Variants in BAALC observed in about 807,000 individuals in gnomAD.
The protein encoded by BAALC is brain and acute leukemia cytoplasmic protein.
BAALC carries 9 observed loss-of-function variants against 15.5 expected under a neutral mutation model. That is an observed-to-expected ratio of 0.58 (90% CI 0.35 to 1.02). The LOEUF is 1.02. Among genes scored for constraint, BAALC ranks in the 50% least tolerant of loss-of-function variants. The pLI, the probability that BAALC is intolerant of heterozygous loss-of-function variation, is 0.02. For missense variants in BAALC, 201 were observed against 192.4 expected (o/e 1.04, Z -0.27); for synonymous variants, 80 against 74.6 (o/e 1.07, Z -0.37).
At chr8:103,192,014 G>A (rs1429802883) in intron 1 of BAALC, among the ~76,000 whole-genome samples, 1 of 152,116 alleles carries the variant, frequency 6.6e-6, no homozygotes, top group African/African-American at 2.4e-5. Context: ...TGCCACAACA[G>A]AGAGTCTGGG....
chr8:103,209,876 A>G (rs774814012), intron 1 of BAALC, among the ~76,000 whole-genome samples: 6 of 152,214 alleles, frequency 3.9e-5, no homozygotes, highest in Non-Finnish European at 7.3e-5. Flanking sequence ...CCCACAGCAG[A>G]CAGTAACAAC....
In BAALC at chr8:103,229,857, G is replaced by A. The variant is rs1812889151; in HGVS notation, c.*1758G>A. The A allele has an allele frequency of 6.6e-6, 1 of 152,126 alleles. No homozygotes were observed. The highest frequency in any genetic ancestry group is 1.5e-5 in the Non-Finnish European group (1 of 67,998). 9.4% of individuals were successfully genotyped at this position (152,126 alleles called of 1,614,324 possible). Reference sequence around the variant, plus strand: ...TAAAAAATGTTTTTAACAATAATAAGATAAAAGAAAAACCTGTGATTCATA... The same window carrying A: ...TAAAAAATGTTTTTAACAATAATAAAATAAAAGAAAAACCTGTGATTCATA... On this transcript the variant is annotated 3_prime_UTR_variant, in exon 3 of 3. Coordinates refer to ENST00000309982, the MANE Select transcript of BAALC (RefSeq NM_024812.3).
At chr8:103,144,275 G>A (rs1029158152) in intron 1 of BAALC, among the ~76,000 whole-genome samples, 1 of 152,176 alleles carries the variant, frequency 6.6e-6, no homozygotes, top group African/African-American at 2.4e-5. Flanking sequence ...CTCAAAAAAT[G>A]ATCCTGAGCC....
At chr8:103,225,925 A>T (rs114501334) in intron 2 of BAALC, among the ~76,000 whole-genome samples, 3 of 152,222 alleles carry the variant, frequency 2.0e-5, no homozygotes, top group African/African-American at 7.2e-5. Flanking sequence ...AGAAACATAC[A>T]TATCGTTTGC....
intron 1 of BAALC, among the ~76,000 whole-genome samples, chr8:103,204,093 C>T (rs1812278910): frequency 6.6e-6 from 1 of 151,942 alleles, no homozygotes; most frequent in Admixed American, 6.6e-5. Context: ...TATTCTGTAT[C>T]TTTTTTTTAT....
chr8:103,149,913 T>C (rs1586372568), intron 1 of BAALC, among the ~76,000 whole-genome samples: 1 of 152,220 alleles, frequency 6.6e-6, no homozygotes, highest in African/African-American at 2.4e-5. Context: ...TGCTGTTCTA[T>C]ATTTTTCCTA....
At chr8:103,149,748 T>C (rs1272278193) in intron 1 of BAALC, among the ~76,000 whole-genome samples, 1 of 152,120 alleles carries the variant, frequency 6.6e-6, no homozygotes, top group African/African-American at 2.4e-5. Context: ...GGAAAGGTCA[T>C]GGAGAAGTAA....
intron 1 of BAALC, among the ~76,000 whole-genome samples, chr8:103,152,280 G>A (rs1320051890): frequency 8.6e-5 from 13 of 151,950 alleles, no homozygotes; most frequent in Non-Finnish European, 1.2e-4. Flanking sequence ...TTTGCTCAGC[G>A]TGTTCCGGCC....
chr8:103,189,962 G>A (rs1331055847), intron 1 of BAALC, among the ~76,000 whole-genome samples: 2 of 152,184 alleles, frequency 1.3e-5, no homozygotes, highest in Non-Finnish European at 2.9e-5. Flanking sequence ...GTAATCTAGA[G>A]GTTAGATGAG....
chr8:103,149,870 C>A (rs1810947644), intron 1 of BAALC, among the ~76,000 whole-genome samples: 1 of 152,140 alleles, frequency 6.6e-6, no homozygotes, highest in Admixed American at 6.5e-5. Flanking sequence ...CTTACCTCCC[C>A]CTCAAGCCCC....
intron 1 of BAALC, 192 bp downstream of exon 1, chr8:103,141,249 C>T (rs1810768833): frequency 1.7e-6 from 1 of 597,486 alleles, no homozygotes; most frequent in Admixed American, 4.4e-5. Context: ...ACCAGAGCCC[C>T]TTACCGAAGG....
intron 2 of BAALC, among the ~76,000 whole-genome samples, chr8:103,217,708 G>T (rs1812591015): frequency 6.6e-6 from 1 of 152,102 alleles, no homozygotes; most frequent in Admixed American, 6.5e-5. Flanking sequence ...TCATCCACAG[G>T]CCTACTGCAG....
intron 1 of BAALC, among the ~76,000 whole-genome samples, chr8:103,182,772 C>T (rs1323964326): frequency 1.3e-5 from 2 of 152,172 alleles, no homozygotes; most frequent in African/African-American, 4.8e-5. Context: ...TTTCCAGCTG[C>T]AAGTGACAGA....
chr8:103,200,531 C>A, intron 1 of BAALC: 1 of 447,210 alleles, frequency 2.2e-6, no homozygotes, highest in Non-Finnish European at 4.0e-6. Context: ...CTTTAAAAGG[C>A]TAACCACCCC....
intron 1 of BAALC, among the ~76,000 whole-genome samples, chr8:103,174,266 A>G (rs1017499282): frequency 1.3e-5 from 2 of 152,010 alleles, no homozygotes; most frequent in Non-Finnish European, 2.9e-5. Flanking sequence ...GCACCAAAAA[A>G]AAAAAAAAAA....
rs542130450 is a variant in BAALC, at chr8:103,158,392, G to A, written c.160+17335G>A. Among the ~76,000 whole-genome samples the A allele has an allele frequency of 3.5e-3, 535 of 152,270 alleles. 6 individuals are homozygous for A. Among genetic ancestry groups the A allele is most frequent in the African/African-American group, 0.012 (511 of 41,564 alleles). On this transcript the variant is annotated intron_variant, in intron 1 of 2. Coordinates refer to ENST00000309982, the MANE Select transcript of BAALC (RefSeq NM_024812.3). ...CCAATACTTCCAGGGGATGCCTGAA[G>A]CCACAATTAGTACAAAACCCTATAT... is the stretch of plus-strand genomic sequence containing the variant.
intron 1 of BAALC, among the ~76,000 whole-genome samples, chr8:103,142,660 G>T (rs745469227): frequency 6.6e-6 from 1 of 152,206 alleles, no homozygotes. Flanking sequence ...TTTAAGAAAT[G>T]GTTGCCGTGG....
At chr8:103,143,670 C>T (rs958707408) in intron 1 of BAALC, among the ~76,000 whole-genome samples, 6 of 152,216 alleles carry the variant, frequency 3.9e-5, no homozygotes, top group African/African-American at 1.4e-4. Context: ...AGTGATTCTC[C>T]TTTGGTGTCA....
At chr8:103,198,573 C>A (rs138076212) in intron 1 of BAALC, among the ~76,000 whole-genome samples, 6 of 151,944 alleles carry the variant, frequency 3.9e-5, no homozygotes, top group Non-Finnish European at 5.9e-5. Flanking sequence ...TATCCCTGTA[C>A]AAAAATAGCA....
Sources: gnomAD v4.1 joint callset for allele counts (sites outside exome capture counted in the v4.1 genomes callset) on GRCh38, gnomAD v4.1.1 for gene constraint, MANE v1.5 for transcripts, NCBI Gene and HGNC (gene_info 2026-07-23, HGNC 2026-07-21) for gene names.